The following SKIC3 variants were observed in gnomAD, a reference collection of about 807,000 sequenced individuals.
The protein encoded by SKIC3 is SKI3 subunit of superkiller complex, also known as superkiller complex protein 3.
the SKIC3 span, chr5:95,498,715 TC>T: frequency 2.2e-6 from 2 of 892,454 alleles, no homozygotes; most frequent in Non-Finnish European, 3.5e-6. Context: ...AAGCTCCGCC[TC>T]CCAGGTTCAC....
the SKIC3 span, among the ~76,000 whole-genome samples, chr5:95,468,856 A>G: frequency 6.6e-6 from 1 of 152,220 alleles, no homozygotes; most frequent in Non-Finnish European, 1.5e-5. Flanking sequence ...CTAAGTTACC[A>G]ACACTGAGCA....
the SKIC3 span, among the ~76,000 whole-genome samples, chr5:95,492,175 T>A: frequency 6.6e-6 from 1 of 152,172 alleles, no homozygotes; most frequent in African/African-American, 2.4e-5. Flanking sequence ...AACACAGACA[T>A]CATCAAATTC....
At chr5:95,476,463 T>C in the SKIC3 span, among the ~76,000 whole-genome samples, 7 of 152,260 alleles carry the variant, frequency 4.6e-5, no homozygotes, top group African/African-American at 1.4e-4. Flanking sequence ...CTTATTTTAA[T>C]ATATCCATCC....
chr5:95,540,686 A>G, the SKIC3 span: 1 of 1,614,080 alleles, frequency 6.2e-7, no homozygotes. Context: ...AAATGAGTCA[A>G]TACCAATTGC....
At chr5:95,522,352 C>T in the SKIC3 span, 1 of 1,600,114 alleles carries the variant, frequency 6.2e-7, no homozygotes, top group African/African-American at 1.3e-5. Context: ...ATGGAACTAT[C>T]TCCAAATCTG....
At chr5:95,523,340 A>G in the SKIC3 span, 1 of 1,604,802 alleles carries the variant, frequency 6.2e-7, no homozygotes. Flanking sequence ...ATAATAAGAA[A>G]ATACTAATAT....
At chr5:95,489,185 T>C in the SKIC3 span, among the ~76,000 whole-genome samples, 2 of 152,042 alleles carry the variant, frequency 1.3e-5, no homozygotes, top group South Asian at 2.1e-4. Flanking sequence ...TAGTGACTTG[T>C]ACCTATGACT....
chr5:95,501,472 A>G, the SKIC3 span, among the ~76,000 whole-genome samples: 3 of 152,176 alleles, frequency 2.0e-5, no homozygotes, highest in Non-Finnish European at 1.5e-5. Flanking sequence ...CAACAGCAAT[A>G]TAGACTAAGG....
chr5:95,523,959 ATGCC>A, the SKIC3 span: 2 of 1,001,326 alleles, frequency 2.0e-6, no homozygotes, highest in Admixed American at 2.6e-5. Context: ...ATACAAAAAT[ATGCC>A]AAAAAATCCT....
the SKIC3 span, among the ~76,000 whole-genome samples, chr5:95,512,192 T>C: frequency 6.6e-6 from 1 of 152,170 alleles, no homozygotes; most frequent in African/African-American, 2.4e-5. Flanking sequence ...CAGCAACTGT[T>C]CTAGTGTATA....
At chr5:95,520,798 T>C in the SKIC3 span, 2 of 1,612,242 alleles carry the variant, frequency 1.2e-6, no homozygotes, top group Non-Finnish European at 1.7e-6. Flanking sequence ...TTTGCCATCA[T>C]AAGATGGCAT....
chr5:95,497,630 A>T, the SKIC3 span: 4 of 660,232 alleles, frequency 6.1e-6, no homozygotes, highest in Admixed American at 1.1e-4. Flanking sequence ...GGTTGAAAGT[A>T]TTTTTAGAAA....
the SKIC3 span, chr5:95,548,704 A>C: frequency 3.9e-5 from 6 of 151,986 alleles, no homozygotes; most frequent in Admixed American, 6.6e-5. Flanking sequence ...TGGTTAAAAA[A>C]AACCCTGCAG....
chr5:95,539,002 A>G, the SKIC3 span, among the ~76,000 whole-genome samples: 1 of 152,206 alleles, frequency 6.6e-6, no homozygotes, highest in Non-Finnish European at 1.5e-5. Context: ...TGAACACAAG[A>G]GAATGAAATT....
chr5:95,478,666 A>G, the SKIC3 span, among the ~76,000 whole-genome samples: 1 of 152,212 alleles, frequency 6.6e-6, no homozygotes, highest in East Asian at 1.9e-4. Context: ...CAATATATAA[A>G]AACAATAATA....
the SKIC3 span, chr5:95,517,205 TAGA>T: frequency 2.5e-6 from 4 of 1,613,318 alleles, no homozygotes; most frequent in Non-Finnish European, 2.5e-6. Flanking sequence ...CTTTCTGACC[TAGA>T]AGGACTCCTA....
chr5:95,482,026 G>A, the SKIC3 span, among the ~76,000 whole-genome samples: 2 of 152,134 alleles, frequency 1.3e-5, no homozygotes, highest in East Asian at 1.9e-4. Context: ...AGAGCCACCT[G>A]AAAGAGCAGA....
the SKIC3 span, among the ~76,000 whole-genome samples, chr5:95,490,577 A>C: frequency 6.7e-6 from 1 of 150,026 alleles, no homozygotes; most frequent in Non-Finnish European, 1.5e-5. Flanking sequence ...GGCTCATTGC[A>C]AGCTCCGCCT....
the SKIC3 span, chr5:95,516,636 T>A: frequency 9.3e-6 from 15 of 1,613,078 alleles, no homozygotes; most frequent in Non-Finnish European, 1.3e-5. Context: ...AAATACACAA[T>A]CTTCTAAAAA....
Sources: allele counts gnomAD v4.1 joint callset (sites outside exome capture counted in the v4.1 genomes callset), GRCh38; gene constraint gnomAD v4.1.1; transcripts MANE v1.5; gene names NCBI Gene and HGNC (gene_info 2026-07-23, HGNC 2026-07-21).